Variants in ITPKB observed in about 807,000 individuals in gnomAD.
ITPKB encodes the protein IP3 3-kinase B.
A neutral mutation model predicts 69.4 loss-of-function variants in ITPKB; 13 were observed. That is an observed-to-expected ratio of 0.19 (90% CI 0.12 to 0.30). The LOEUF (loss-of-function observed/expected upper bound fraction) is 0.30, where lower values mean the gene tolerates loss of function less well. ITPKB is among the 10% of genes least tolerant of loss of function. The pLI, the probability that ITPKB is intolerant of heterozygous loss-of-function variation, is 1.00. For synonymous variants in ITPKB, 584 were observed against 513.7 expected, an observed-to-expected ratio of 1.14 and a Z score of -1.85; for missense variants, 1,240 against 1,250.5, an observed-to-expected ratio of 0.99 and a Z score of 0.13.
chr1:226,716,537 C>G (rs1657101231), intron 2 of ITPKB, among the ~76,000 whole-genome samples: 1 of 152,166 alleles, frequency 6.6e-6, no homozygotes, highest in South Asian at 2.1e-4. Context: ...GTCCCACATG[C>G]ATTAGCTATT....
intron 2 of ITPKB, chr1:226,674,839 T>C (rs937028537): frequency 3.3e-5 from 5 of 152,220 alleles, no homozygotes; most frequent in African/African-American, 1.2e-4. Context: ...GTGTCTATTC[T>C]GTATCACCCT....
At chr1:226,688,789 T>G (rs3754404) in intron 2 of ITPKB, among the ~76,000 whole-genome samples, 36,040 of 152,132 alleles carry the variant, frequency 0.24, 4,514 homozygotes, top group East Asian at 0.34. Context: ...GACGCTGGTA[T>G]GACTCTCACT....
chr1:226,714,193 T>TAC (rs774552595), intron 2 of ITPKB, among the ~76,000 whole-genome samples: 2 of 152,190 alleles, frequency 1.3e-5, no homozygotes, highest in Non-Finnish European at 2.9e-5. Flanking sequence ...ACAGCAGACT[T>TAC]ACCTGGCCAA....
rs751788436 is a variant in ITPKB, at chr1:226,642,038, G to A, written c.2334C>T (p.Pro778=). 8.7e-6 allele frequency: 14 copies of A among 1,613,932 alleles called. No individual in the cohort carries two copies. The highest frequency in any genetic ancestry group is 2.2e-5 in the East Asian group (1 of 44,864). The part of the protein sequence containing the change: ...DMYQKMIEVD[P]EAPTEEEKAQ... ...CTTTTTCCTCCTCGGTGGGGGCCTC[G>A]GGGTCCACCTCGATCATCTTCTGGT... Residue 778 remains proline, a synonymous_variant, in exon 5 of 8, where the codon CCC becomes CCT. Coordinates refer to ENST00000429204, the MANE Select transcript of ITPKB (RefSeq NM_002221.4). The surrounding 1 kb of genome is among the most constrained non-coding windows in gnomAD (Gnocchi z 6.4).
At chr1:226,690,390 C>G (rs1377270684) in intron 2 of ITPKB, among the ~76,000 whole-genome samples, 2 of 152,150 alleles carry the variant, frequency 1.3e-5, no homozygotes, top group African/African-American at 2.4e-5. Flanking sequence ...GTGACCTAGC[C>G]AAAGTCACAC....
intron 2 of ITPKB, among the ~76,000 whole-genome samples, chr1:226,650,727 A>G (rs1411083959): frequency 6.6e-6 from 1 of 152,160 alleles, no homozygotes; most frequent in Non-Finnish European, 1.5e-5. Context: ...GTGTGGGAGG[A>G]GGGGAGCCCA....
At chr1:226,688,634 C>A (rs951397408) in intron 2 of ITPKB, among the ~76,000 whole-genome samples, 4 of 152,204 alleles carry the variant, frequency 2.6e-5, no homozygotes, top group Non-Finnish European at 5.9e-5. Flanking sequence ...GAGCTGCTGC[C>A]ACAGTCAGCT....
chr1:226,647,841 G>A (rs1160883133), intron 3 of ITPKB, among the ~76,000 whole-genome samples: 1 of 152,270 alleles, frequency 6.6e-6, no homozygotes, highest in East Asian at 1.9e-4. Flanking sequence ...CTAAGGCTCA[G>A]CCCACCTGGG....
chr1:226,684,022 T>A (rs1184437085), intron 2 of ITPKB, among the ~76,000 whole-genome samples: 1 of 152,116 alleles, frequency 6.6e-6, no homozygotes, highest in Non-Finnish European at 1.5e-5. Context: ...TGACAAACCA[T>A]CTGACTTTCT....
intron 2 of ITPKB, among the ~76,000 whole-genome samples, chr1:226,692,658 G>A (rs1352302622): frequency 1.3e-5 from 2 of 152,114 alleles, no homozygotes; most frequent in Admixed American, 1.3e-4. Context: ...CTATTTCTGA[G>A]CCGGCCACTA....
At chr1:226,711,002 G>A (rs1656934602) in intron 2 of ITPKB, among the ~76,000 whole-genome samples, 1 of 152,212 alleles carries the variant, frequency 6.6e-6, no homozygotes, top group African/African-American at 2.4e-5. Context: ...GGGCCCTTCT[G>A]AGCATGCGGC....
intron 2 of ITPKB, among the ~76,000 whole-genome samples, chr1:226,677,447 G>T (rs1331263618): frequency 6.6e-6 from 1 of 152,190 alleles, no homozygotes; most frequent in South Asian, 2.1e-4. Context: ...CAGCAGAGGG[G>T]TGGGTTAAAG....
chr1:226,668,412 G>A (rs1045489379), intron 2 of ITPKB, among the ~76,000 whole-genome samples: 6 of 152,296 alleles, frequency 3.9e-5, no homozygotes, highest in South Asian at 4.2e-4. Context: ...CCTGTGGTAC[G>A]ATGTGTTCCT....
intron 2 of ITPKB, among the ~76,000 whole-genome samples, chr1:226,653,146 T>C (rs1669228211): frequency 6.6e-6 from 1 of 151,562 alleles, no homozygotes; most frequent in South Asian, 2.1e-4. Flanking sequence ...TAGTTAGGAG[T>C]GTTTTCTCCA....
rs1210959125 is a variant in ITPKB, at chr1:226,641,323, G to A, written c.2451+598C>T. On this transcript the variant is annotated intron_variant, in intron 5 of 7. Transcript: ENST00000429204. The surrounding 1 kb of genome is among the most constrained non-coding windows in gnomAD (Gnocchi z 4.6). ...GGTACAAAGGGATAGAAGGGAAAGA[G>A]CCATCATTTTGTAAACCACAAACAC... Among the ~76,000 whole-genome samples the A allele has an allele frequency of 6.6e-6, 1 of 152,134 alleles. No homozygotes were observed. Among genetic ancestry groups the A allele is most frequent in the Non-Finnish European group, 1.5e-5 (1 of 68,034 alleles).
intron 2 of ITPKB, among the ~76,000 whole-genome samples, chr1:226,649,422 TGA>T (rs1347727250): frequency 9.7e-5 from 12 of 123,190 alleles, no homozygotes; most frequent in South Asian, 2.6e-4. Flanking sequence ...GATATGTGCA[TGA>T]GTGTGTGCGT....
rs559906042 is a variant in ITPKB, at chr1:226,693,338, C to T, written c.1932+42189G>A. 1.5e-3 allele frequency among the ~76,000 whole-genome samples: 224 copies of T among 152,290 alleles called. 3 individuals carry two copies. The highest frequency in any genetic ancestry group is 2.5e-4 in the Non-Finnish European group (17 of 68,028). ...TTCCCTAGCTGGTCTAAACTGCTGT[C>T]GAGCGATGATGGGCAGCTCTTTGCA... On this transcript the variant is annotated intron_variant, in intron 2 of 7. Transcript: ENST00000429204.
chr1:226,648,521 G>A (rs564105353), intron 3 of ITPKB, 151 bp downstream of exon 3: 36 of 647,200 alleles, frequency 5.6e-5, no homozygotes, highest in South Asian at 1.8e-4. Flanking sequence ...GCATTGGTAA[G>A]GCCGCAGCCT....
chr1:226,669,059 T>C (rs1669560084), intron 2 of ITPKB: 1 of 152,222 alleles, frequency 6.6e-6, no homozygotes, highest in Admixed American at 6.5e-5. Flanking sequence ...TCATCATCAT[T>C]ATTATTTATT....
Sources: gnomAD v4.1 joint callset for allele counts (sites outside exome capture counted in the v4.1 genomes callset) on GRCh38, gnomAD v4.1.1 for gene constraint, Gnocchi (gnomAD v3.1) non-coding constraint, MANE v1.5 for transcripts, NCBI Gene and HGNC (gene_info 2026-07-23, HGNC 2026-07-21) for gene names.